SLC40A1: variants seen among roughly 807,000 people sequenced by gnomAD.
The protein encoded by SLC40A1 is ferroportin.
In SLC40A1, 16 loss-of-function variants were observed where a neutral mutation model predicts 53.5. The ratio of observed to expected loss-of-function variants is 0.30; its 90% CI spans 0.20 to 0.45. The LOEUF (loss-of-function observed/expected upper bound fraction) is 0.45. Ranked by LOEUF, SLC40A1 falls within the 20% of genes least tolerant of loss-of-function variation. The pLI, the probability that SLC40A1 is intolerant of heterozygous loss-of-function variation, is 1.00. For missense variants in SLC40A1, 545 were observed against 695.4 expected (o/e 0.78, Z 2.43); for synonymous variants, 247 against 253.2 (o/e 0.98, Z 0.23).
At chr2:189,571,284 G>A (rs1328791507) in intron 5 of SLC40A1, among the ~76,000 whole-genome samples, 1 of 152,012 alleles carries the variant, frequency 6.6e-6, no homozygotes, top group Non-Finnish European at 1.5e-5. Context: ...TTAACTTCTA[G>A]AGTCTCTCCT....
At chr2:189,572,035 A>C (rs1380324869) in intron 4 of SLC40A1, among the ~76,000 whole-genome samples, 194 bp from the exon 5 acceptor site, 1 of 152,190 alleles carries the variant, frequency 6.6e-6, no homozygotes, top group Non-Finnish European at 1.5e-5. Flanking sequence ...ATAATGTCCT[A>C]ACCTGTATCA....
In SLC40A1 at chr2:189,562,204, A is replaced by T. The variant is rs1559009590; in HGVS notation, c.1403-13T>A. On this transcript the variant is annotated splice_polypyrimidine_tract_variant and intron_variant, in intron 7 of 7. Transcript: ENST00000261024. ...AAGGACCAAAGACCTATAATAAAAT[A>T]TTTTTTTAAAGATTAGATTTTAGTT... 2.5e-6 allele frequency: 4 copies of T among 1,569,712 alleles called. No individual in the cohort carries two copies. The highest frequency in any genetic ancestry group is 3.5e-6 in the Non-Finnish European group (4 of 1,154,900).
Position 189,575,255 on chromosome 2 carries a change from AAGG to A in SLC40A1, c.174_176del (p.Leu60del). The A allele has an allele frequency of 1.9e-6, 3 of 1,614,160 alleles. No individual in the cohort carries two copies. Among genetic ancestry groups the A allele is most frequent in the Non-Finnish European group, 2.5e-6 (3 of 1,180,004 alleles). ...CCACCAGCCCGTAGACTGCTGTCAA[AAGG>A]AGGCTGTTTCCATAGAGCTCTACCA... On this transcript the variant is annotated inframe_deletion, in exon 3 of 8. Coordinates refer to ENST00000261024, the MANE Select transcript of SLC40A1 (RefSeq NM_014585.6).
At position 189,563,939 on chromosome 2, in the gene SLC40A1, T is replaced by C. The variant is rs2030843365; in HGVS notation, c.1047A>G (p.Ser349=). The stretch of plus-strand genomic sequence containing the variant: ...CAGTTCCCATTATTCCAGTTATAGC[T>C]GATGCTCCCATCAAAATACTGAGGA... ...GSILSILMGA[S]AITGIMGTVA... is the part of the protein sequence containing the mutation. Residue 349 remains serine (S), a synonymous_variant, in exon 7 of 8, where the codon TCA becomes TCG. Coordinates refer to ENST00000261024, the MANE Select transcript of SLC40A1 (RefSeq NM_014585.6). 32 of 1,614,042 alleles carry C rather than the reference T, an allele frequency of 2.0e-5. No homozygotes were observed. Among genetic ancestry groups the C allele is most frequent in the Non-Finnish European group, 2.7e-5 (32 of 1,180,024 alleles).
chr2:189,578,188 A>C, intron 2 of SLC40A1: 1 of 984,618 alleles, frequency 1.0e-6, no homozygotes, highest in Non-Finnish European at 1.2e-6. Context: ...AGAGTGCCAC[A>C]CAAGAGAAAA....
In SLC40A1 at chr2:189,580,581, T is replaced by C; in HGVS notation, c.-121A>G. The C allele has an allele frequency of 6.3e-7, 1 of 1,587,086 alleles. No individual in the cohort carries two copies. The highest frequency in any genetic ancestry group is 8.5e-7 in the Non-Finnish European group (1 of 1,171,850). On this transcript the variant is annotated 5_prime_UTR_variant, in exon 1 of 8. Coordinates refer to ENST00000261024, the MANE Select transcript of SLC40A1 (RefSeq NM_014585.6). The stretch of plus-strand genomic sequence containing the variant: ...AGCACCTCTAAAAACACAACAGCCT[T>C]GGGCAAAAAGACTACAACGACGACT...
intron 5 of SLC40A1, among the ~76,000 whole-genome samples, chr2:189,571,437 T>C (rs1028894495): frequency 8.0e-5 from 10 of 125,428 alleles, no homozygotes; most frequent in African/African-American, 2.8e-4. Flanking sequence ...GTTGATTGAA[T>C]TTTTTTTTAA....
chr2:189,578,287 A>C (rs1000617482), intron 2 of SLC40A1: 1 of 1,001,854 alleles, frequency 1.0e-6, no homozygotes, highest in African/African-American at 1.7e-5. Flanking sequence ...ACTAAACCTT[A>C]TATGATTGTA....
Position 189,572,913 on chromosome 2 carries a change from C to T in SLC40A1, c.320G>A (p.Gly107Glu). The T allele has an allele frequency of 6.2e-7, 1 of 1,613,998 alleles. No homozygotes were observed. Among genetic ancestry groups the T allele is most frequent in the Non-Finnish European group, 8.5e-7 (1 of 1,179,890 alleles). ...TAAGAAAACCATCATCAGGATGATTCCACACAGGATGACTGAAACATTCTG... is the reference window on the plus strand; with the variant it reads ...TAAGAAAACCATCATCAGGATGATTTCACACAGGATGACTGAAACATTCTG... ...VVQNVSVILC[G>E]IILMMVFLHK... Residue 107 changes from glycine to glutamate, a missense_variant, in exon 4 of 8, where the codon GGA becomes GAA. Physicochemically the swap from Gly to Glu is moderately conservative, Grantham distance 98. Coordinates refer to ENST00000261024, the MANE Select transcript of SLC40A1 (RefSeq NM_014585.6).
chr2:189,569,865 G>A (rs550267268), intron 5 of SLC40A1, among the ~76,000 whole-genome samples: 1 of 152,054 alleles, frequency 6.6e-6, no homozygotes, highest in Admixed American at 6.5e-5. Context: ...GCTGAGAAAC[G>A]ACCAGTCATA....
intron 2 of SLC40A1, 143 bp downstream of exon 2, chr2:189,579,670 G>A (rs982251375): frequency 8.0e-6 from 6 of 750,726 alleles, no homozygotes; most frequent in South Asian, 1.5e-5. Context: ...TGTAAATAAC[G>A]TTTTCATTAA....
chr2:189,561,840 A>G lies in SLC40A1; in HGVS notation c.*38T>C, dbSNP rs1347583183. 6.5e-7 allele frequency: 1 copy of G among 1,543,680 alleles called. No individual in the cohort carries two copies. The highest frequency in any genetic ancestry group is 9.0e-7 in the Non-Finnish European group (1 of 1,116,516). On this transcript the variant is annotated 3_prime_UTR_variant, in exon 8 of 8. Coordinates refer to ENST00000261024, the MANE Select transcript of SLC40A1 (RefSeq NM_014585.6). The stretch of plus-strand genomic sequence containing the variant: ...AGTACAAAATAAGCACATGTGCTCT[A>G]TATAATCTAGTAACAGGATAGCAAC...
rs565820182 is a variant in SLC40A1 at position 189,566,509 on chromosome 2, T to C, written c.515-910A>G. On this transcript the variant is annotated intron_variant, in intron 5 of 7. Coordinates refer to ENST00000261024, the MANE Select transcript of SLC40A1 (RefSeq NM_014585.6). ...AGCAGAGAAGGAAGTGTGCTAAAGA[T>C]AGGGATTTTTAAGAGGAGCAAAATT... is the stretch of plus-strand genomic sequence containing the variant. Among the ~76,000 whole-genome samples, 19 of 152,212 alleles carry C rather than the reference T, an allele frequency of 1.2e-4. No homozygotes were observed. In the South Asian group the frequency reaches 2.3e-3, roughly 18 times the overall value.
chr2:189,580,399 T>TTC lies in SLC40A1; in HGVS notation c.43+17_43+18dup. 1 of 1,613,450 alleles carries TTC rather than the reference T, an allele frequency of 6.2e-7. No homozygotes were observed. Among genetic ancestry groups the TTC allele is most frequent in the Non-Finnish European group, 8.5e-7 (1 of 1,179,894 alleles). On this transcript the variant is annotated intron_variant, in intron 1 of 7. Coordinates refer to ENST00000261024, the MANE Select transcript of SLC40A1 (RefSeq NM_014585.6). ...CCCACCTGGGTTTCCACCATATGCT[T>TTC]TCGGTCAACGACACTCACCACAGCA... is the stretch of plus-strand genomic sequence containing the variant.
At chr2:189,565,086 T>A (rs1286252876) in intron 6 of SLC40A1, among the ~76,000 whole-genome samples, 1 of 152,098 alleles carries the variant, frequency 6.6e-6, no homozygotes, top group Non-Finnish European at 1.5e-5. Context: ...CCCAGCTATC[T>A]CTCAAGTAAA....
At chr2:189,569,735 G>A (rs2031061836) in intron 5 of SLC40A1, among the ~76,000 whole-genome samples, 1 of 152,120 alleles carries the variant, frequency 6.6e-6, no homozygotes, top group South Asian at 2.1e-4. Context: ...ATGTAGAGTG[G>A]ACAAGAGTTC....
chr2:189,564,580 C>T (rs796076893), intron 6 of SLC40A1, among the ~76,000 whole-genome samples: 6 of 152,230 alleles, frequency 3.9e-5, no homozygotes, highest in African/African-American at 1.4e-4. Context: ...GTGGCTCACA[C>T]CTGTAATCCC....
At chr2:189,575,417 C>T (rs2031258609) in intron 2 of SLC40A1, 97 bp from the exon 3 acceptor site, 11 of 1,161,700 alleles carry the variant, frequency 9.5e-6, no homozygotes, top group Non-Finnish European at 1.4e-5. Flanking sequence ...CACTTCCTGG[C>T]TACATTATGA....
In SLC40A1 at chr2:189,580,646, T is replaced by C. The variant is rs1559016581; in HGVS notation, c.-186A>G. 1 of 1,521,500 alleles carries C rather than the reference T, an allele frequency of 6.6e-7. No homozygotes were observed. Among genetic ancestry groups the C allele is most frequent in the Non-Finnish European group, 8.8e-7 (1 of 1,140,044 alleles). The allele number at this position is 1,521,500 out of a possible 1,614,324, so 94.2% of individuals were successfully genotyped here. A position where few individuals can be genotyped will look rare whatever the true frequency, so the allele number is the denominator to read the frequency against. On this transcript the variant is annotated 5_prime_UTR_variant, in exon 1 of 8. Coordinates refer to ENST00000261024, the MANE Select transcript of SLC40A1 (RefSeq NM_014585.6). ...AAGAAAAGGGGCCCAGGGATTTTCT[T>C]TTTTCCTTCTTTCCAAACTTAGCTA...
Sources: gnomAD v4.1 joint callset for allele counts (sites outside exome capture counted in the v4.1 genomes callset) on GRCh38, gnomAD v4.1.1 for gene constraint, MANE v1.5 for transcripts, NCBI Gene and HGNC (gene_info 2026-07-23, HGNC 2026-07-21) for gene names.